Variants in ST18 observed in about 807,000 individuals in gnomAD.
The protein encoded by ST18 is ST18 C2H2C-type zinc finger transcription factor, also known as suppression of tumorigenicity 18 protein.
Under a neutral mutation model 110.0 loss-of-function variants are expected in ST18, and 50 were observed. The observed-to-expected ratio is 0.45, with a 90% CI of 0.36 to 0.58. The LOEUF (loss-of-function observed/expected upper bound fraction) is 0.58. Among genes scored for constraint, ST18 ranks in the 20% least tolerant of loss-of-function variants. ST18 has a pLI of 0.00. For synonymous variants in ST18, 461 were observed against 452.4 expected (o/e 1.02, Z -0.24); for missense variants, 1,306 against 1,280.1 (o/e 1.02, Z -0.31).
chr8:52,185,009 G>T (rs147471226), intron 8 of ST18, among the ~76,000 whole-genome samples: 1 of 151,952 alleles, frequency 6.6e-6, no homozygotes, highest in Non-Finnish European at 1.5e-5. Flanking sequence ...GATTGAAAAA[G>T]AAAAAATTAA....
At chr8:52,376,658 C>G (rs750929032) in intron 2 of ST18, among the ~76,000 whole-genome samples, 3 of 152,134 alleles carry the variant, frequency 2.0e-5, no homozygotes, top group Non-Finnish European at 4.4e-5. Flanking sequence ...TTGTGGGAAG[C>G]GTCTTTGTCT....
chr8:52,155,383 T>TG (rs2059781884), intron 15 of ST18, among the ~76,000 whole-genome samples: 2 of 152,304 alleles, frequency 1.3e-5, no homozygotes, highest in South Asian at 4.1e-4. Flanking sequence ...ATATATATGT[T>TG]GGATTGTATT....
In ST18 at chr8:52,219,457, C is replaced by T. The variant is rs912153960; in HGVS notation, c.-157+1284G>A. Reference sequence around the variant, plus strand: ...GACAACATATTTATAATTTTCAAAACTTTTCATCTTTTATTTGCACACTAT... The same window carrying T: ...GACAACATATTTATAATTTTCAAAATTTTTCATCTTTTATTTGCACACTAT... On this transcript the variant is annotated intron_variant, in intron 5 of 25. Coordinates refer to ENST00000689386, the MANE Select transcript of ST18 (RefSeq NM_001352837.2). Among the ~76,000 whole-genome samples, 8 of 152,156 alleles carry T rather than the reference C, an allele frequency of 5.3e-5. No homozygotes were observed. The South Asian group carries it at 8.3e-4, about 16-fold the overall frequency.
intron 2 of ST18, among the ~76,000 whole-genome samples, chr8:52,329,603 A>G (rs1483036725): frequency 3.3e-5 from 5 of 152,110 alleles, no homozygotes; most frequent in Admixed American, 3.3e-4. Context: ...AAAAATACAA[A>G]AATTATCCAG....
chr8:52,374,695 C>G (rs548659895), intron 2 of ST18, among the ~76,000 whole-genome samples: 19 of 152,148 alleles, frequency 1.2e-4, no homozygotes, highest in African/African-American at 3.6e-4. Flanking sequence ...CCCATACCCC[C>G]CTGACAGGCT....
intron 10 of ST18, among the ~76,000 whole-genome samples, chr8:52,169,392 C>G (rs1007982405): frequency 3.3e-5 from 5 of 152,132 alleles, no homozygotes; most frequent in Admixed American, 1.3e-4. Flanking sequence ...TTTTCATAGG[C>G]AGGACAGTCA....
At chr8:52,186,569 C>A (rs1364957603) in intron 8 of ST18, among the ~76,000 whole-genome samples, 2 of 152,164 alleles carry the variant, frequency 1.3e-5, no homozygotes, top group Non-Finnish European at 2.9e-5. Flanking sequence ...TAAGTACACA[C>A]CTGAAAGAGC....
chr8:52,374,408 C>T (rs1413105714), intron 2 of ST18, among the ~76,000 whole-genome samples: 4 of 152,134 alleles, frequency 2.6e-5, no homozygotes, highest in African/African-American at 9.7e-5. Flanking sequence ...CACACTCCCT[C>T]GGAGCCTCCA....
At chr8:52,245,594 A>T (rs2093779962) in intron 2 of ST18, among the ~76,000 whole-genome samples, 1 of 152,120 alleles carries the variant, frequency 6.6e-6, no homozygotes. Flanking sequence ...TTTTCATTCT[A>T]ATTTTTTTAT....
chr8:52,368,641 A>G (rs1308948514), intron 2 of ST18, among the ~76,000 whole-genome samples: 1 of 152,210 alleles, frequency 6.6e-6, no homozygotes, highest in Non-Finnish European at 1.5e-5. Context: ...TCAGGGATCC[A>G]GGTTTCCGCA....
intron 2 of ST18, among the ~76,000 whole-genome samples, chr8:52,289,003 A>G (rs1191477033): frequency 3.3e-5 from 5 of 152,134 alleles, no homozygotes; most frequent in African/African-American, 1.2e-4. Flanking sequence ...TTCCTACATG[A>G]CCATCAGAGT....
intron 22 of ST18, among the ~76,000 whole-genome samples, chr8:52,129,720 A>C (rs1164004809): frequency 6.6e-6 from 1 of 152,106 alleles, no homozygotes; most frequent in Non-Finnish European, 1.5e-5. Context: ...CCTTTGTCTA[A>C]ATTCTTCACT....
chr8:52,359,688 CAA>C (rs1290802072), intron 2 of ST18, among the ~76,000 whole-genome samples: 1 of 152,026 alleles, frequency 6.6e-6, no homozygotes, highest in African/African-American at 2.4e-5. Flanking sequence ...GATTTTAATC[CAA>C]AGAGTCTAAC....
intron 2 of ST18, among the ~76,000 whole-genome samples, chr8:52,339,857 C>T (rs1037877069): frequency 6.6e-6 from 1 of 152,238 alleles, no homozygotes; most frequent in Non-Finnish European, 1.5e-5. Context: ...CCTTTAATTG[C>T]TCTTCTCTTC....
rs1261249335 is a variant in ST18 at position 52,230,035 on chromosome 8, C to G, written c.-422G>C. On this transcript the variant is annotated 5_prime_UTR_variant, in exon 3 of 26. Coordinates refer to ENST00000689386, the MANE Select transcript of ST18 (RefSeq NM_001352837.2). ...TTTTTAAATAGCTTTTACTTACCTT[C>G]CCTAAAAGCTACTGGATCTGAACTG... 6.6e-6 allele frequency: 1 copy of G among 152,534 alleles called. No individual in the cohort carries two copies. The highest frequency in any genetic ancestry group is 1.5e-5 in the Non-Finnish European group (1 of 68,030). 9.4% of individuals were successfully genotyped at this position (152,534 alleles called of 1,614,324 possible).
chr8:52,257,136 C>T (rs2094550908), intron 2 of ST18, among the ~76,000 whole-genome samples: 1 of 152,166 alleles, frequency 6.6e-6, no homozygotes, highest in South Asian at 2.1e-4. Flanking sequence ...TCTATCGGTA[C>T]TTTATTTCTT....
chr8:52,296,410 A>T (rs567663209), intron 2 of ST18: 6 of 151,500 alleles, frequency 4.0e-5, no homozygotes, highest in Non-Finnish European at 7.4e-5. Flanking sequence ...GACGGGGGGA[A>T]CTCCCCTGTC....
intron 23 of ST18, among the ~76,000 whole-genome samples, chr8:52,122,379 TAAG>T (rs1321232490): frequency 6.6e-6 from 1 of 152,158 alleles, no homozygotes; most frequent in Non-Finnish European, 1.5e-5. Context: ...TATGAGGCTT[TAAG>T]TACTATAGTT....
intron 3 of ST18, among the ~76,000 whole-genome samples, chr8:52,225,877 C>T (rs113939445): frequency 1.3e-5 from 2 of 152,272 alleles, no homozygotes; most frequent in South Asian, 4.1e-4. Context: ...AAAACAAATG[C>T]ATTTTTGTGG....
Sources: allele counts gnomAD v4.1 joint callset (sites outside exome capture counted in the v4.1 genomes callset), GRCh38; gene constraint gnomAD v4.1.1; transcripts MANE v1.5; gene names NCBI Gene and HGNC (gene_info 2026-07-23, HGNC 2026-07-21).